Variants in NRXN3 observed in about 807,000 individuals in gnomAD.
NRXN3 encodes the protein neurexin 3, also known as neurexin III.
Under a neutral mutation model 137.6 loss-of-function variants are expected in NRXN3, and 32 were observed. The observed-to-expected ratio is 0.23, with a 90% confidence interval of 0.18 to 0.31. The LOEUF (loss-of-function observed/expected upper bound fraction) is 0.31. Among genes scored for constraint, NRXN3 ranks in the 10% least tolerant of loss-of-function variants. NRXN3 has a pLI of 1.00. For missense variants in NRXN3, 1,574 were observed against 2,062.5 expected, an observed-to-expected ratio of 0.76 and a Z score of 4.59; for synonymous variants, 798 against 784.5, an observed-to-expected ratio of 1.02 and a Z score of -0.29.
chr14:78,984,800 T>C (rs923796353), intron 14 of NRXN3, among the ~76,000 whole-genome samples: 1 of 152,110 alleles, frequency 6.6e-6, no homozygotes, highest in Non-Finnish European at 1.5e-5. Context: ...TGTTAGGAAC[T>C]AAAAACAGGA....
At chr14:78,716,695 T>A (rs1433248552) in intron 8 of NRXN3, among the ~76,000 whole-genome samples, 1 of 152,188 alleles carries the variant, frequency 6.6e-6, no homozygotes, top group Non-Finnish European at 1.5e-5. Context: ...CCTGTTTTTT[T>A]GTAAGGCCAA....
chr14:79,256,507 G>A (rs1304212879), intron 15 of NRXN3, among the ~76,000 whole-genome samples: 5 of 152,040 alleles, frequency 3.3e-5, no homozygotes, highest in African/African-American at 7.2e-5. Flanking sequence ...GCACCTCCAC[G>A]CTTCTCTCAG....
At chr14:78,561,812 T>C (rs2096788821) in intron 4 of NRXN3, among the ~76,000 whole-genome samples, 1 of 152,240 alleles carries the variant, frequency 6.6e-6, no homozygotes, top group Non-Finnish European at 1.5e-5. Flanking sequence ...TTTGGATTTG[T>C]TATTTTGGCA....
At chr14:79,338,836 A>G (rs940632996) in intron 15 of NRXN3, among the ~76,000 whole-genome samples, 4 of 152,140 alleles carry the variant, frequency 2.6e-5, no homozygotes, top group African/African-American at 9.7e-5. Context: ...TAAGATAACT[A>G]TTTTTGTGTT....
intron 10 of NRXN3, among the ~76,000 whole-genome samples, chr14:78,811,249 T>G (rs553798019): frequency 2.0e-5 from 3 of 152,302 alleles, no homozygotes; most frequent in African/African-American, 7.2e-5. Flanking sequence ...CAAAGTCCAA[T>G]GCTAATTGGT....
At chr14:79,315,413 G>A (rs1166493704) in intron 15 of NRXN3, among the ~76,000 whole-genome samples, 3 of 152,108 alleles carry the variant, frequency 2.0e-5, no homozygotes, top group Non-Finnish European at 4.4e-5. Context: ...TTCGAAAAAA[G>A]AAAAGGGGTC....
chr14:78,424,097 A>G (rs1408304599), intron 4 of NRXN3, among the ~76,000 whole-genome samples: 1 of 152,134 alleles, frequency 6.6e-6, no homozygotes, highest in Non-Finnish European at 1.5e-5. Flanking sequence ...TGGCGGGTGC[A>G]GGGGTTCCTA....
chr14:79,167,462 T>G (rs1480645347), intron 15 of NRXN3, among the ~76,000 whole-genome samples: 1 of 151,966 alleles, frequency 6.6e-6, no homozygotes, highest in Non-Finnish European at 1.5e-5. Context: ...TATTTAACAG[T>G]TTATGATGGA....
intron 10 of NRXN3, among the ~76,000 whole-genome samples, chr14:78,932,333 G>C (rs2099324499): frequency 6.6e-6 from 1 of 152,056 alleles, no homozygotes; most frequent in Admixed American, 6.6e-5. Context: ...TCTCTGTCAG[G>C]TGCCAGCAAG....
At chr14:79,827,291 G>GA (rs1334525455) in intron 20 of NRXN3, among the ~76,000 whole-genome samples, 1 of 152,004 alleles carries the variant, frequency 6.6e-6, no homozygotes, top group Non-Finnish European at 1.5e-5. Flanking sequence ...AACCTTCTCT[G>GA]AAAAAAATGA....
At chr14:79,299,827 G>A (rs754068528) in intron 15 of NRXN3, among the ~76,000 whole-genome samples, 14 of 151,958 alleles carry the variant, frequency 9.2e-5, no homozygotes, top group South Asian at 2.1e-4. Flanking sequence ...CTATTTTCCC[G>A]CAATCCTATT....
At chr14:78,203,721 A>T (rs1412413515) in intron 1 of NRXN3, among the ~76,000 whole-genome samples, 2 of 152,178 alleles carry the variant, frequency 1.3e-5, no homozygotes, top group Non-Finnish European at 2.9e-5. Context: ...TTAAAAAGTC[A>T]GAAAAGCACA....
chr14:78,326,673 C>A (rs1320279799), intron 4 of NRXN3, among the ~76,000 whole-genome samples: 1 of 152,190 alleles, frequency 6.6e-6, no homozygotes, highest in Non-Finnish European at 1.5e-5. Flanking sequence ...GTGGTGTTCA[C>A]AGAGCAATGG....
At chr14:78,400,384 C>G (rs1463889827) in intron 4 of NRXN3, among the ~76,000 whole-genome samples, 2 of 152,212 alleles carry the variant, frequency 1.3e-5, no homozygotes, top group African/African-American at 4.8e-5. Context: ...ACTTTTAAGA[C>G]TTAAACCAAC....
chr14:79,763,411 T>TCTATATTTATACATTCTATAA (rs1568158531), intron 19 of NRXN3, among the ~76,000 whole-genome samples: 1 of 150,836 alleles, frequency 6.6e-6, no homozygotes, highest in African/African-American at 2.5e-5. Flanking sequence ...TTATAATCCT[T>TCTATATTTATACATTCTATAA]TGGGTATACA....
chr14:79,316,785 A>T (rs1598630609), intron 15 of NRXN3, among the ~76,000 whole-genome samples: 1 of 148,922 alleles, frequency 6.7e-6, no homozygotes, highest in Non-Finnish European at 1.5e-5. Flanking sequence ...GGGGTGTAGT[A>T]GTCCATTGTT....
intron 15 of NRXN3, among the ~76,000 whole-genome samples, chr14:79,328,532 T>G (rs1258384129): frequency 6.6e-6 from 1 of 152,190 alleles, no homozygotes; most frequent in Non-Finnish European, 1.5e-5. Flanking sequence ...CCATGAGAAG[T>G]ACTTAAAACA....
rs1555539840 is a variant in NRXN3 at position 78,456,799 on chromosome 14, C to CTCTCTCTTTCTTTCTT, written c.757+158942_757+158943insCTCTTTCTTTCTTTCT. On this transcript the variant is annotated intron_variant, in intron 4 of 20. Transcript: ENST00000335750. Reference sequence around the variant, plus strand: ...TCTTTCCCTTTCTCTCTCTCTTTCTCTCTTTCTTTCTTTCTTTCTTTCTTT... The same window carrying CTCTCTCTTTCTTTCTT: ...TCTTTCCCTTTCTCTCTCTCTTTCTCTCTCTCTTTCTTTCTTTCTTTCTTTCTTTCTTTCTTTCTTT... 8.0e-4 allele frequency among the ~76,000 whole-genome samples: 78 copies of CTCTCTCTTTCTTTCTT among 97,686 alleles called. 1 individual carries two copies. The South Asian group carries it at 0.011, about 14-fold the overall frequency. The allele number at this position is 97,686 out of a possible 152,430, so 64.1% of individuals were successfully genotyped here.
rs1031169785 is a variant in NRXN3 at position 78,878,715 on chromosome 14, A to G, written c.2275+68371A>G. Among the ~76,000 whole-genome samples the G allele has an allele frequency of 2.0e-5, 3 of 152,002 alleles. No individual in the cohort carries two copies. The South Asian group carries it at 6.2e-4, about 32-fold the overall frequency. On this transcript the variant is annotated intron_variant, in intron 10 of 20. Coordinates refer to ENST00000335750, the MANE Select transcript of NRXN3 (RefSeq NM_001330195.2). ...ATTTTTTTGTTGTGAGAACAATTAA[A>G]CTCTCTCTTTGCAATTTTCAAGTAT...
Sources: allele counts gnomAD v4.1 joint callset (sites outside exome capture counted in the v4.1 genomes callset), GRCh38; gene constraint gnomAD v4.1.1; transcripts MANE v1.5; gene names NCBI Gene and HGNC (gene_info 2026-07-23, HGNC 2026-07-21).